Variants in CCDC88A observed in about 807,000 individuals in gnomAD.
CCDC88A encodes the protein girdin.
Under a neutral mutation model 234.3 loss-of-function variants are expected in CCDC88A, and 54 were observed. That is an observed-to-expected ratio of 0.23 (90% CI 0.19 to 0.29). The LOEUF is 0.29. CCDC88A is among the 10% of genes least tolerant of loss of function. The pLI, the probability that CCDC88A is intolerant of heterozygous loss-of-function variation, is 1.00. For synonymous variants in CCDC88A, 753 were observed against 737.8 expected, an observed-to-expected ratio of 1.02 and a Z score of -0.33; for missense variants, 1,832 against 2,123.4, an observed-to-expected ratio of 0.86 and a Z score of 2.70.
In CCDC88A at chr2:55,309,257, A is replaced by G. The variant is rs1323104510; in HGVS notation, c.4080-3T>C. On this transcript the variant is annotated splice_polypyrimidine_tract_variant and splice_region_variant and intron_variant, in intron 23 of 32. Transcript: ENST00000436346. This position sits in a 1 kb window ranked among gnomAD's most constrained non-coding sequence, Gnocchi z 5.1. The stretch of plus-strand genomic sequence containing the variant: ...GTCTTAATTCATTTAACTTATCACT[A>G]TAAAATAAAAATTACCTTTTAGGAC... 1 of 1,299,262 alleles carries G rather than the reference A, an allele frequency of 7.7e-7. No homozygotes were observed. Among genetic ancestry groups the G allele is most frequent in the Admixed American group, 2.0e-5 (1 of 50,488 alleles). 80.5% of individuals were successfully genotyped at this position (1,299,262 alleles called of 1,614,324 possible).
intron 28 of CCDC88A, chr2:55,300,198 A>C: frequency 2.9e-6 from 1 of 345,626 alleles, no homozygotes; most frequent in Middle Eastern, 9.6e-4. Context: ...TTTTAGTTAA[A>C]TAGAATGACA....
rs570510701 is a variant in CCDC88A, at chr2:55,419,544, C to G, written c.-465G>C. The G allele has an allele frequency of 6.1e-6, 1 of 162,750 alleles. No homozygotes were observed. Among genetic ancestry groups the G allele is most frequent in the African/African-American group, 2.4e-5 (1 of 41,458 alleles). 10.1% of individuals were successfully genotyped at this position (162,750 alleles called of 1,614,324 possible). Reference sequence around the variant, plus strand: ...CGCCACCAGACTCGACCTCGGCGTTCCGACCTCTACACGTTCCACCCACCG... The same window carrying G: ...CGCCACCAGACTCGACCTCGGCGTTGCGACCTCTACACGTTCCACCCACCG... On this transcript the variant is annotated 5_prime_UTR_variant, in exon 1 of 33. Coordinates refer to ENST00000436346, the MANE Select transcript of CCDC88A (RefSeq NM_001365480.1).
intron 2 of CCDC88A, among the ~76,000 whole-genome samples, chr2:55,415,994 TA>T (rs1307979778): frequency 6.7e-6 from 1 of 149,716 alleles, no homozygotes; most frequent in African/African-American, 2.5e-5. Context: ...GGCATCAAAT[TA>T]AAAAAAAAAT....
At chr2:55,368,188 C>T (rs985011440) in intron 5 of CCDC88A, among the ~76,000 whole-genome samples, 4 of 152,188 alleles carry the variant, frequency 2.6e-5, no homozygotes, top group Non-Finnish European at 4.4e-5. Flanking sequence ...TCTGGAGGAA[C>T]TTGACTGAGT....
At chr2:55,366,709 T>G (rs939113220) in intron 5 of CCDC88A, among the ~76,000 whole-genome samples, 14 of 152,154 alleles carry the variant, frequency 9.2e-5, no homozygotes, top group Non-Finnish European at 1.5e-4. Flanking sequence ...CTTAATACTT[T>G]ATTCCTCAAA....
At chr2:55,382,259 A>C (rs1010686274) in intron 3 of CCDC88A, among the ~76,000 whole-genome samples, 4 of 152,206 alleles carry the variant, frequency 2.6e-5, no homozygotes, top group African/African-American at 7.2e-5. Context: ...AAACCTAAAA[A>C]GTGTCTATTT....
chr2:55,312,567 G>A lies in CCDC88A; in HGVS notation c.3946C>T (p.Leu1316Phe). The A allele has an allele frequency of 1.2e-6, 2 of 1,608,024 alleles. No individual in the cohort carries two copies. Among genetic ancestry groups the A allele is most frequent in the Non-Finnish European group, 1.7e-6 (2 of 1,177,056 alleles). ...LNNQCELLSQ[L>F]KGNLEEENRH... Reference sequence around the variant, plus strand: ...TTTTCTTCTTCTAAATTTCCTTTAAGTTGGCTTAGCAACTGTTTAAACACA... The same window carrying A: ...TTTTCTTCTTCTAAATTTCCTTTAAATTGGCTTAGCAACTGTTTAAACACA... Residue 1316 changes from leucine (L) to phenylalanine (F), a missense_variant, in exon 23 of 33, where the codon CTT becomes TTT. Leu to Phe is a conservative substitution (Grantham distance 22). Coordinates refer to ENST00000436346, the MANE Select transcript of CCDC88A (RefSeq NM_001365480.1).
chr2:55,389,155 C>T (rs1483214433), intron 2 of CCDC88A, among the ~76,000 whole-genome samples: 1 of 152,170 alleles, frequency 6.6e-6, no homozygotes, highest in Non-Finnish European at 1.5e-5. Context: ...TGCCACTCCA[C>T]ATTCCTGGGA....
At chr2:55,319,089 ATGAG>A (rs1270577163) in intron 18 of CCDC88A, 85 bp from the exon 19 acceptor site, 1 of 1,062,042 alleles carries the variant, frequency 9.4e-7, no homozygotes, top group Non-Finnish European at 1.3e-6. Context: ...ATTTTATACA[ATGAG>A]TATTTATTAG....
chr2:55,297,505 G>A (rs1417250865), intron 29 of CCDC88A, among the ~76,000 whole-genome samples: 2 of 145,022 alleles, frequency 1.4e-5, no homozygotes, highest in Non-Finnish European at 3.0e-5. Context: ...CCGCCTCCTG[G>A]GTTCAAGTGA....
intron 2 of CCDC88A, among the ~76,000 whole-genome samples, chr2:55,393,483 G>A (rs1677039070): frequency 6.6e-6 from 1 of 151,130 alleles, no homozygotes; most frequent in African/African-American, 2.4e-5. Flanking sequence ...TAGTAGTGAC[G>A]GGGTTTCACT....
At chr2:55,310,654 A>C (rs1190695499) in intron 23 of CCDC88A, among the ~76,000 whole-genome samples, 1 of 152,194 alleles carries the variant, frequency 6.6e-6, no homozygotes, top group African/African-American at 2.4e-5. Flanking sequence ...GGAAGGCTGA[A>C]TTACAGTGGT....
chr2:55,419,526 A>T lies in CCDC88A; in HGVS notation c.-447T>A. On this transcript the variant is annotated 5_prime_UTR_variant, in exon 1 of 33. Transcript: ENST00000436346. ...ACGTTAAGGATACCGAGGCGCCACC[A>T]GACTCGACCTCGGCGTTCCGACCTC... is the stretch of plus-strand genomic sequence containing the variant. 2 of 126,732 alleles carry T rather than the reference A, an allele frequency of 1.6e-5. No homozygotes were observed. The highest frequency in any genetic ancestry group is 1.8e-5 in the Non-Finnish European group (1 of 57,070). The allele number at this position is 126,732 out of a possible 1,614,324, so 7.9% of individuals were successfully genotyped here.
At chr2:55,326,663 A>G (rs1044924634) in intron 17 of CCDC88A, among the ~76,000 whole-genome samples, 1 of 152,076 alleles carries the variant, frequency 6.6e-6, no homozygotes. Context: ...CCTGGATTCA[A>G]GCGATTCTCC....
rs145788934 is a variant in CCDC88A at position 55,309,707 on chromosome 2, A to T, written c.4080-453T>A. Among the ~76,000 whole-genome samples the T allele has an allele frequency of 1.8e-4, 27 of 152,076 alleles. No individual in the cohort carries two copies. The East Asian group carries it at 4.2e-3, about 24-fold the overall frequency. The stretch of plus-strand genomic sequence containing the variant: ...CTCAGTAGTATTTACTATACAGAGA[A>T]ACATCAAAGATCATCAAAGTATTGT... On this transcript the variant is annotated intron_variant, in intron 23 of 32. Transcript: ENST00000436346. This position sits in a 1 kb window ranked among gnomAD's most constrained non-coding sequence, Gnocchi z 5.1.
At chr2:55,327,335 A>T (rs1684394846) in intron 17 of CCDC88A, among the ~76,000 whole-genome samples, 1 of 152,188 alleles carries the variant, frequency 6.6e-6, no homozygotes, top group Non-Finnish European at 1.5e-5. Flanking sequence ...TGAGTACAGC[A>T]ACTCTCATAA....
intron 5 of CCDC88A, among the ~76,000 whole-genome samples, chr2:55,371,130 CG>C (rs1672790101): frequency 6.6e-6 from 1 of 152,100 alleles, no homozygotes; most frequent in Admixed American, 6.5e-5. Context: ...TCTAAATTTA[CG>C]CAACATTCAC....
intron 13 of CCDC88A, chr2:55,339,250 C>T (rs1035536673): frequency 4.2e-6 from 2 of 477,776 alleles, no homozygotes; most frequent in African/African-American, 2.0e-5. Flanking sequence ...TGAGCCCCCG[C>T]ACCTGGCCAA....
intron 2 of CCDC88A, among the ~76,000 whole-genome samples, chr2:55,396,057 A>T (rs1346172600): frequency 8.1e-6 from 1 of 122,968 alleles, no homozygotes; most frequent in Admixed American, 9.6e-5. Context: ...TAGGCAATCC[A>T]TTCTGGTATT....
Sources: allele counts gnomAD v4.1 joint callset (sites outside exome capture counted in the v4.1 genomes callset), GRCh38; gene constraint gnomAD v4.1.1; non-coding constraint Gnocchi (gnomAD v3.1); transcripts MANE v1.5; gene names NCBI Gene and HGNC (gene_info 2026-07-23, HGNC 2026-07-21).